Variants in CADM1 observed in about 807,000 individuals in gnomAD.
CADM1 encodes cell adhesion molecule 1, also known as TSLC-1.
In CADM1, 15 loss-of-function variants were observed where a neutral mutation model predicts 53.1. That is an observed-to-expected ratio of 0.28 (90% CI 0.19 to 0.44). The LOEUF is 0.44. Among genes scored for constraint, CADM1 ranks in the 20% least tolerant of loss-of-function variants. The probability of loss-of-function intolerance (pLI) is 1.00; values close to 1 mark genes in which losing one functional copy is unlikely to be tolerated. For synonymous variants in CADM1, 281 were observed against 243.0 expected (o/e 1.16, Z -1.45); for missense variants, 434 against 611.3 (o/e 0.71, Z 3.06).
At chr11:115,293,428 G>A (rs773654349) in intron 1 of CADM1, among the ~76,000 whole-genome samples, 8 of 151,748 alleles carry the variant, frequency 5.3e-5, no homozygotes, top group East Asian at 1.9e-4. Flanking sequence ...GCGAGACTCC[G>A]TCTCAAAAAG....
intron 1 of CADM1, among the ~76,000 whole-genome samples, chr11:115,456,301 A>C (rs1005504085): frequency 6.6e-6 from 1 of 152,036 alleles, no homozygotes; most frequent in Non-Finnish European, 1.5e-5. Flanking sequence ...ATTTTAAAAG[A>C]CACTGATACA....
At chr11:115,178,943 A>C in intron 10 of CADM1, 168 bp from the exon 11 acceptor site, 1 of 729,174 alleles carries the variant, frequency 1.4e-6, no homozygotes, top group Non-Finnish European at 2.4e-6. Context: ...TGACCTGTCC[A>C]GTGCTGAATC....
chr11:115,190,632 T>C (rs1027554067), intron 10 of CADM1: 10 of 490,198 alleles, frequency 2.0e-5, no homozygotes, highest in Non-Finnish European at 3.3e-5. Flanking sequence ...AGAGGGGCTT[T>C]AGTACAATCC....
intron 11 of CADM1, 61 bp downstream of exon 11, chr11:115,178,583 A>C (rs1939151938): frequency 6.3e-7 from 1 of 1,579,526 alleles, no homozygotes; most frequent in Non-Finnish European, 8.6e-7. Context: ...CAACCTTGTA[A>C]AGTCTCCAAA....
chr11:115,458,534 C>G (rs1051869306), intron 1 of CADM1, among the ~76,000 whole-genome samples: 3 of 138,796 alleles, frequency 2.2e-5, no homozygotes, highest in Non-Finnish European at 4.7e-5. Context: ...ATTATTATTA[C>G]ATTATACCCT....
intron 1 of CADM1, among the ~76,000 whole-genome samples, chr11:115,368,632 GC>G (rs907498934): frequency 2.0e-5 from 3 of 152,060 alleles, no homozygotes; most frequent in Admixed American, 6.6e-5. Context: ...CACCTGAATA[GC>G]CCATAATAAT....
chr11:115,490,757 T>C (rs978134871), intron 1 of CADM1, among the ~76,000 whole-genome samples: 38 of 152,160 alleles, frequency 2.5e-4, no homozygotes, highest in Non-Finnish European at 5.4e-4. Flanking sequence ...CAGTTAAGTG[T>C]TTAAAACTGT....
intron 1 of CADM1, among the ~76,000 whole-genome samples, chr11:115,303,635 T>C (rs1190130428): frequency 6.6e-6 from 1 of 152,052 alleles, no homozygotes. Context: ...CACTTTGTCA[T>C]AGTGTACAGG....
At chr11:115,327,166 C>T (rs1030633474) in intron 1 of CADM1, among the ~76,000 whole-genome samples, 1 of 152,126 alleles carries the variant, frequency 6.6e-6, no homozygotes, top group Admixed American at 6.6e-5. Context: ...TTTACATATA[C>T]GCTATCATGT....
intron 1 of CADM1, among the ~76,000 whole-genome samples, chr11:115,286,784 C>T (rs1341801912): frequency 1.3e-5 from 2 of 152,088 alleles, no homozygotes; most frequent in African/African-American, 4.8e-5. Context: ...CTCAGCCTCA[C>T]AAAAGAGAGA....
At chr11:115,348,590 T>C (rs1945644739) in intron 1 of CADM1, among the ~76,000 whole-genome samples, 1 of 152,176 alleles carries the variant, frequency 6.6e-6, no homozygotes, top group Admixed American at 6.5e-5. Context: ...CGGTGCCAAT[T>C]TTCACTAAGT....
rs1485657595 is a variant in CADM1, at chr11:115,289,584, TTTTTTTTTC to T, written c.125-49173_125-49165del. Among the ~76,000 whole-genome samples, 54 of 118,210 alleles carry T rather than the reference TTTTTTTTTC, an allele frequency of 4.6e-4. No homozygotes were observed. In the East Asian group the frequency reaches 0.027, roughly 59 times the overall value. 77.6% of individuals were successfully genotyped at this position (118,210 alleles called of 152,430 possible). A position where few individuals can be genotyped will look rare whatever the true frequency, so the allele number is the denominator to read the frequency against. Reference sequence around the variant, plus strand: ...ACAGCGACTAAGGAACTGAATTTTCTTTTTTTTTCTTTTTTTTTTTTTTTTTTTTGAGAC... The same window carrying T: ...ACAGCGACTAAGGAACTGAATTTTCTTTTTTTTTTTTTTTTTTTTTGAGAC... On this transcript the variant is annotated intron_variant, in intron 1 of 11. Transcript: ENST00000331581.
In CADM1 at chr11:115,190,978, C is replaced by T. The variant is rs1207425557; in HGVS notation, c.1112-37G>A. ...AAACAAATCGTTTTTCTTTTCATTC[C>T]TCGAGGGACATAAACAAAACACTTA... On this transcript the variant is annotated intron_variant, in intron 9 of 11. Coordinates refer to ENST00000331581, the MANE Select transcript of CADM1 (RefSeq NM_001301043.2). 2.6e-6 allele frequency: 4 copies of T among 1,534,318 alleles called. No individual in the cohort carries two copies. The South Asian group carries it at 3.5e-5, about 14-fold the overall frequency.
chr11:115,226,815 G>A (rs1941626948), intron 5 of CADM1, among the ~76,000 whole-genome samples: 1 of 152,188 alleles, frequency 6.6e-6, no homozygotes, highest in African/African-American at 2.4e-5. Context: ...GGAGAGTAAA[G>A]CTGGTAGGAA....
rs73583308 is a variant in CADM1, at chr11:115,472,845, A to G, written c.124+31426T>C. ...TTATACCTTGTTAAAGATATTGAAA[A>G]TTAATTATGTCTGGTAATTAATGGC... On this transcript the variant is annotated intron_variant, in intron 1 of 11. Coordinates refer to ENST00000331581, the MANE Select transcript of CADM1 (RefSeq NM_001301043.2). Among the ~76,000 whole-genome samples, 373 of 152,338 alleles carry G rather than the reference A, an allele frequency of 2.4e-3. 1 individual carries two copies. The highest frequency in any genetic ancestry group is 8.7e-3 in the African/African-American group (361 of 41,586).
At chr11:115,258,088 G>A (rs762538390) in intron 1 of CADM1, among the ~76,000 whole-genome samples, 5 of 152,166 alleles carry the variant, frequency 3.3e-5, no homozygotes, top group East Asian at 1.9e-4. Flanking sequence ...CAGACTAACC[G>A]GATAAACTTG....
At chr11:115,491,071 TA>T (rs1949485939) in intron 1 of CADM1, among the ~76,000 whole-genome samples, 1 of 152,148 alleles carries the variant, frequency 6.6e-6, no homozygotes, top group African/African-American at 2.4e-5. Context: ...CACTTAAAAG[TA>T]AATTATACTG....
intron 1 of CADM1, among the ~76,000 whole-genome samples, chr11:115,474,361 A>G (rs1275984372): frequency 6.6e-6 from 1 of 151,828 alleles, no homozygotes; most frequent in East Asian, 1.9e-4. Context: ...AGATATTCAT[A>G]TCGCAAATAA....
rs758835486 is a variant in CADM1 at position 115,169,714 on chromosome 11, C to T, written c.*6760G>A. 3.6e-5 allele frequency: 16 copies of T among 440,176 alleles called. No individual in the cohort carries two copies. The highest frequency in any genetic ancestry group is 1.2e-4 in the Admixed American group (5 of 40,304). 27.3% of individuals were successfully genotyped at this position (440,176 alleles called of 1,614,324 possible). A position where few individuals can be genotyped will look rare whatever the true frequency, so the allele number is the denominator to read the frequency against. ...AGAGACTGATTAGTGCAGAAGATTC[C>T]CTTCCATAGCAATACTTTTTAATCA... On this transcript the variant is annotated 3_prime_UTR_variant, in exon 12 of 12. Transcript: ENST00000331581.
Sources: gnomAD v4.1 joint callset for allele counts (sites outside exome capture counted in the v4.1 genomes callset) on GRCh38, gnomAD v4.1.1 for gene constraint, MANE v1.5 for transcripts, NCBI Gene and HGNC (gene_info 2026-07-23, HGNC 2026-07-21) for gene names.